The following MYO18B variants were observed in gnomAD, a reference collection of about 807,000 sequenced individuals.
MYO18B encodes the protein unconventional myosin-XVIIIb.
Under a neutral mutation model 273.0 loss-of-function variants are expected in MYO18B, and 204 were observed. The ratio of observed to expected loss-of-function variants is 0.75; its 90% confidence interval spans 0.67 to 0.84. The LOEUF (loss-of-function observed/expected upper bound fraction) is 0.84. MYO18B is among the 40% of genes least tolerant of loss of function. MYO18B has a pLI of 0.00. For missense variants in MYO18B, 3,212 were observed against 3,287.6 expected (o/e 0.98, Z 0.56); for synonymous variants, 1,330 against 1,305.7 (o/e 1.02, Z -0.40).
chr22:25,786,021 GAGTT>G (rs1221435420), intron 11 of MYO18B, among the ~76,000 whole-genome samples: 2 of 152,206 alleles, frequency 1.3e-5, no homozygotes, highest in Non-Finnish European at 2.9e-5. Context: ...GTGGGGCTGA[GAGTT>G]AGGTATTTCA....
chr22:25,815,934 T>C (rs1569059781), intron 12 of MYO18B, among the ~76,000 whole-genome samples: 1 of 152,180 alleles, frequency 6.6e-6, no homozygotes, highest in Non-Finnish European at 1.5e-5. Context: ...CAATGATTCA[T>C]GTTGGATTAT....
chr22:25,795,864 G>A (rs2087885557), intron 11 of MYO18B, among the ~76,000 whole-genome samples: 1 of 152,306 alleles, frequency 6.6e-6, no homozygotes, highest in Non-Finnish European at 1.5e-5. Flanking sequence ...GAGGGGACAA[G>A]TATCTTGGAC....
Position 25,992,509 on chromosome 22 carries a change from C to T in MYO18B, c.6287+16C>T, listed in dbSNP as rs1461478635. 2 of 1,613,544 alleles carry T rather than the reference C, an allele frequency of 1.2e-6. No individual in the cohort carries two copies. Among genetic ancestry groups the T allele is most frequent in the Non-Finnish European group, 1.7e-6 (2 of 1,179,804 alleles). On this transcript the variant is annotated intron_variant, in intron 40 of 43. Coordinates refer to ENST00000335473, the MANE Select transcript of MYO18B (RefSeq NM_032608.7). ...ATACTGAGAGGTAACTTGCTAGGGG[C>T]TCGGCGGGGCTGGGCGCAGCAGGTG...
intron 2 of MYO18B, 151 bp from the exon 3 acceptor site, chr22:25,763,080 C>A: frequency 1.1e-6 from 1 of 880,518 alleles, no homozygotes; most frequent in Non-Finnish European, 2.0e-6. Flanking sequence ...TCGTGCTGGG[C>A]CTCACCTGCT....
chr22:25,778,365 C>T (rs1331795176), intron 8 of MYO18B, among the ~76,000 whole-genome samples: 1 of 152,116 alleles, frequency 6.6e-6, no homozygotes, highest in Non-Finnish European at 1.5e-5. Flanking sequence ...GATATTTGAT[C>T]TGGGCCTTAA....
chr22:25,871,067 C>T (rs2091032957), intron 22 of MYO18B, among the ~76,000 whole-genome samples: 1 of 152,084 alleles, frequency 6.6e-6, no homozygotes, highest in Non-Finnish European at 1.5e-5. Context: ...CTTTTGGAGG[C>T]CAGGCTGGGG....
At chr22:25,819,470 G>A (rs1238701723) in intron 12 of MYO18B, among the ~76,000 whole-genome samples, 2 of 152,218 alleles carry the variant, frequency 1.3e-5, no homozygotes, top group Non-Finnish European at 2.9e-5. Context: ...AGCACAGGAA[G>A]AAGAAAGTCT....
At chr22:25,789,780 A>G (rs1459538698) in intron 11 of MYO18B, among the ~76,000 whole-genome samples, 2 of 152,172 alleles carry the variant, frequency 1.3e-5, no homozygotes, top group Non-Finnish European at 2.9e-5. Context: ...TGAGAAACCC[A>G]CTGGTCCTAT....
chr22:25,906,787 G>A (rs1451804993), intron 31 of MYO18B, among the ~76,000 whole-genome samples: 1 of 152,182 alleles, frequency 6.6e-6, no homozygotes, highest in Non-Finnish European at 1.5e-5. Flanking sequence ...GCTGGCAAGA[G>A]AGAGTGTGTG....
Position 25,763,248 on chromosome 22 carries a change from G to A in MYO18B, c.57G>A (p.Lys19=). 1 of 1,610,362 alleles carries A rather than the reference G, an allele frequency of 6.2e-7. No homozygotes were observed. The highest frequency in any genetic ancestry group is 8.5e-7 in the Non-Finnish European group (1 of 1,177,626). The change falls in exon 3 of 44, where the codon AAG becomes AAA. Residue 19 remains lysine (K), a synonymous_variant. Transcript: ENST00000335473. ...CAAAACAGATTCGGGAAGAGGACAAGAGCCCTCCACCATCCTCGCCCCCTC... is the reference window on the plus strand; with the variant it reads ...CAAAACAGATTCGGGAAGAGGACAAAAGCCCTCCACCATCCTCGCCCCCTC... ...LWEQKIREED[K]SPPPSSPPPL... is the part of the protein sequence containing the mutation.
intron 2 of MYO18B, among the ~76,000 whole-genome samples, chr22:25,761,570 G>A (rs1051055606): frequency 2.6e-5 from 4 of 152,178 alleles, no homozygotes; most frequent in South Asian, 2.1e-4. Context: ...ATAGAGAACC[G>A]GAAACGGGCT....
At chr22:25,937,729 G>T (rs184179415) in intron 34 of MYO18B, among the ~76,000 whole-genome samples, 1 of 152,120 alleles carries the variant, frequency 6.6e-6, no homozygotes, top group East Asian at 1.9e-4. Flanking sequence ...GGGATTACAG[G>T]CATGCACCAC....
intron 34 of MYO18B, among the ~76,000 whole-genome samples, chr22:25,937,585 C>CTTTTT (rs68167882): frequency 7.1e-6 from 1 of 140,626 alleles, no homozygotes; most frequent in African/African-American, 2.6e-5. Flanking sequence ...GCCTGACATT[C>CTTTTT]TTTTTTTTTT....
Position 25,772,506 on chromosome 22 carries a change from G to A in MYO18B, c.1865G>A (p.Gly622Glu). 2.5e-6 allele frequency: 4 copies of A among 1,613,358 alleles called. No homozygotes were observed. The highest frequency in any genetic ancestry group is 3.4e-6 in the Non-Finnish European group (4 of 1,179,742). ...CGGGGGCCCTCGGTGCCTTCTGCAG[G>A]GAAGGTGAGGTGGGACCATTGTGGG... ...QPRGPSVPSA[G>E]KVPKGRRDGL... Residue 622 changes from glycine to glutamate, a missense_variant, in exon 7 of 44, where the codon GGG becomes GAG. Gly to Glu is a moderately conservative substitution (Grantham distance 98). Coordinates refer to ENST00000335473, the MANE Select transcript of MYO18B (RefSeq NM_032608.7).
At chr22:25,878,880 A>G (rs1569143700) in intron 25 of MYO18B, among the ~76,000 whole-genome samples, 1 of 152,278 alleles carries the variant, frequency 6.6e-6, no homozygotes, top group Non-Finnish European at 1.5e-5. Flanking sequence ...ACCTCTAGGT[A>G]TTTATGCTAG....
At position 25,867,660 on chromosome 22, in the gene MYO18B, C is replaced by T. The variant is rs1013020086; in HGVS notation, c.3886-660C>T. Among the ~76,000 whole-genome samples the T allele has an allele frequency of 4.6e-5, 7 of 150,746 alleles. No homozygotes were observed. The South Asian group carries it at 8.3e-4, about 18-fold the overall frequency. ...CTTTCTTTTTTTTGAGACGGAGTCT[C>T]GCTCTGTTGCCCAGGCTGGAGTGCA... is the stretch of plus-strand genomic sequence containing the variant. On this transcript the variant is annotated intron_variant, in intron 21 of 43. Transcript: ENST00000335473.
rs142081465 is a variant in MYO18B, at chr22:26,015,245, T to A, written c.6470+10390T>A. Among the ~76,000 whole-genome samples, 208 of 152,320 alleles carry A rather than the reference T, an allele frequency of 1.4e-3. 4 individuals are homozygous for A. The South Asian group carries it at 0.024, about 18-fold the overall frequency. ...ACTATTGTAGAAAACAGCATGGTGA[T>A]TCCTTAGAGACCAAAAGCAGAAAAA... On this transcript the variant is annotated intron_variant, in intron 42 of 43. Transcript: ENST00000335473.
intron 22 of MYO18B, among the ~76,000 whole-genome samples, chr22:25,873,977 G>A (rs759033171): frequency 6.6e-6 from 1 of 152,200 alleles, no homozygotes; most frequent in Non-Finnish European, 1.5e-5. Flanking sequence ...GTGTTAAAGT[G>A]CAGGTTCTGA....
chr22:25,956,901 T>G (rs925052028), intron 39 of MYO18B, among the ~76,000 whole-genome samples: 2 of 152,220 alleles, frequency 1.3e-5, no homozygotes, highest in African/African-American at 4.8e-5. Context: ...ACAGCCGGTG[T>G]CATCCCCATC....
Sources: allele counts gnomAD v4.1 joint callset (sites outside exome capture counted in the v4.1 genomes callset), GRCh38; gene constraint gnomAD v4.1.1; transcripts MANE v1.5; gene names NCBI Gene and HGNC (gene_info 2026-07-23, HGNC 2026-07-21).